Variants in SH3BP5 observed in about 807,000 individuals in gnomAD.
The protein encoded by SH3BP5 is SH3 domain binding protein 5.
In SH3BP5, 22 loss-of-function variants were observed where a neutral mutation model predicts 43.3. The ratio of observed to expected loss-of-function variants is 0.51; its 90% CI spans 0.36 to 0.73. The LOEUF is 0.73. SH3BP5 is among the 30% of genes least tolerant of loss of function. The pLI is 0.00. For missense variants in SH3BP5, 529 were observed against 586.9 expected, an observed-to-expected ratio of 0.90 and a Z score of 1.02; for synonymous variants, 255 against 225.8, an observed-to-expected ratio of 1.13 and a Z score of -1.16.
In SH3BP5 at chr3:15,314,182, G is replaced by A. The variant is rs113260896; in HGVS notation, c.202-9951C>T. Among the ~76,000 whole-genome samples, 1,118 of 151,976 alleles carry A rather than the reference G, an allele frequency of 7.4e-3. 15 individuals are homozygous for A. Among genetic ancestry groups the A allele is most frequent in the African/African-American group, 0.025 (1,054 of 41,472 alleles). ...GAGTCTCACTCTGTCGCCAGGGCTG[G>A]AGTGCAGTGGCGCGATCTCGGCTCA... On this transcript the variant is annotated intron_variant, in intron 2 of 8. Transcript: ENST00000383791.
intron 3 of SH3BP5, among the ~76,000 whole-genome samples, chr3:15,276,669 C>T (rs1281382374): frequency 6.6e-6 from 1 of 152,134 alleles, no homozygotes; most frequent in Non-Finnish European, 1.5e-5. Context: ...AGGTGGCTGC[C>T]CAAAGTCATA....
Position 15,257,046 on chromosome 3 carries a change from C to T in SH3BP5, c.957G>A (p.Gln319=), listed in dbSNP as rs753150553. ...GTCCTGAACTAAAGCTGGACACGGA[C>T]TGGGTTTCCGAGTCATCTTCAGACA... ...NFVSEDDSET[Q]SVSSFSSGPT... The change falls in exon 8 of 9, where the codon CAG becomes CAA. Residue 319 remains glutamine (Q), a synonymous_variant. Transcript: ENST00000383791. 1 of 1,614,170 alleles carries T rather than the reference C, an allele frequency of 6.2e-7. No homozygotes were observed. Among genetic ancestry groups the T allele is most frequent in the South Asian group, 1.1e-5 (1 of 91,080 alleles).
intron 2 of SH3BP5, among the ~76,000 whole-genome samples, chr3:15,304,511 T>C (rs147906310): frequency 6.6e-6 from 1 of 152,270 alleles, no homozygotes; most frequent in Non-Finnish European, 1.5e-5. Flanking sequence ...AAAGGAGTTT[T>C]TAGTTTATTT....
intron 3 of SH3BP5, among the ~76,000 whole-genome samples, chr3:15,271,082 AT>A (rs1162372432): frequency 3.3e-5 from 5 of 151,858 alleles, no homozygotes; most frequent in Non-Finnish European, 7.4e-5. Flanking sequence ...TAAATATATT[AT>A]TAAAATTAAT....
At chr3:15,310,458 C>G (rs6793635) in intron 2 of SH3BP5, among the ~76,000 whole-genome samples, 10 of 152,060 alleles carry the variant, frequency 6.6e-5, no homozygotes, top group Non-Finnish European at 1.2e-4. Flanking sequence ...TGACTGTGAT[C>G]CTTTGTCTCC....
chr3:15,266,535 A>G (rs1205626191), intron 4 of SH3BP5, among the ~76,000 whole-genome samples: 2 of 152,214 alleles, frequency 1.3e-5, no homozygotes, highest in Non-Finnish European at 2.9e-5. Context: ...ATGAAAAGCT[A>G]TCACCTTCCC....
At chr3:15,339,552 A>G (rs1698739040) in intron 1 of SH3BP5, among the ~76,000 whole-genome samples, 2 of 152,046 alleles carry the variant, frequency 1.3e-5, no homozygotes, top group African/African-American at 4.8e-5. Flanking sequence ...TCTACTAAAA[A>G]TACAAAAATT....
At chr3:15,290,994 G>C (rs745769269) in intron 3 of SH3BP5, among the ~76,000 whole-genome samples, 3 of 152,130 alleles carry the variant, frequency 2.0e-5, no homozygotes, top group Non-Finnish European at 4.4e-5. Flanking sequence ...CTTCAGAAGA[G>C]ACCCAGTTGA....
At chr3:15,333,595 A>G (rs149476712), upstream of SH3BP5, among the ~76,000 whole-genome samples, 78 of 152,312 alleles carry the variant, frequency 5.1e-4, no homozygotes, top group African/African-American at 9.4e-4. Flanking sequence ...ACTTGAGGCC[A>G]GGAGTTCAAC....
At chr3:15,337,914 C>CA (rs5846867) in intron 1 of SH3BP5, among the ~76,000 whole-genome samples, 35,889 of 63,102 alleles carry the variant, frequency 0.57, 9,585 homozygotes, top group East Asian at 0.68. Context: ...GACCCTGACT[C>CA]AAAAAAAAAA....
At chr3:15,291,714 A>G (rs1697417862) in intron 3 of SH3BP5, among the ~76,000 whole-genome samples, 1 of 152,222 alleles carries the variant, frequency 6.6e-6, no homozygotes, top group South Asian at 2.1e-4. Context: ...ATGAACCCTG[A>G]GTTGGGAATA....
chr3:15,325,286 A>G (rs181794097), intron 2 of SH3BP5, among the ~76,000 whole-genome samples: 1 of 152,250 alleles, frequency 6.6e-6, no homozygotes, highest in African/African-American at 2.4e-5. Context: ...TATCTCACCT[A>G]GCAGGGCTGT....
intron 2 of SH3BP5, among the ~76,000 whole-genome samples, chr3:15,313,489 C>A (rs563386344): frequency 6.6e-6 from 1 of 152,318 alleles, no homozygotes; most frequent in Admixed American, 6.5e-5. Flanking sequence ...GTAAAGGCAA[C>A]TGAAATGTTC....
At chr3:15,284,878 G>A (rs1326324095) in intron 3 of SH3BP5, among the ~76,000 whole-genome samples, 1 of 152,148 alleles carries the variant, frequency 6.6e-6, no homozygotes, top group Non-Finnish European at 1.5e-5. Context: ...TCAAACCCAG[G>A]GACACCAGCA....
chr3:15,260,871 C>T lies in SH3BP5; in HGVS notation c.627-1068G>A, dbSNP rs555156071. Among the ~76,000 whole-genome samples, 29 of 152,192 alleles carry T rather than the reference C, an allele frequency of 1.9e-4. No individual in the cohort carries two copies. In the South Asian group the frequency reaches 2.7e-3, roughly 14 times the overall value. On this transcript the variant is annotated intron_variant, in intron 5 of 8. Transcript: ENST00000383791. ...CTACGATCTATCCCTGTACTCTTCT[C>T]GGAGTCTGAAAAGGTTGGCAAAGTA... is the stretch of plus-strand genomic sequence containing the variant.
rs375709928 is a variant in SH3BP5, at chr3:15,327,387, G to C, written c.201+3117C>G. Among the ~76,000 whole-genome samples, 8 of 152,188 alleles carry C rather than the reference G, an allele frequency of 5.3e-5. No individual in the cohort carries two copies. The South Asian group carries it at 1.0e-3, about 20-fold the overall frequency. Reference sequence around the variant, plus strand: ...TGCACTCCAGCCTGGGCGACAGCGTGAGACTCCGTCTCAGGAAAAAAAAAA... The same window carrying C: ...TGCACTCCAGCCTGGGCGACAGCGTCAGACTCCGTCTCAGGAAAAAAAAAA... On this transcript the variant is annotated intron_variant, in intron 2 of 8. Transcript: ENST00000383791.
chr3:15,340,646 G>T (rs1698754468), intron 1 of SH3BP5, among the ~76,000 whole-genome samples: 1 of 152,056 alleles, frequency 6.6e-6, no homozygotes, highest in Admixed American at 6.6e-5. Flanking sequence ...AGCTACTCAG[G>T]AGGCCGAATT....
At chr3:15,303,665 A>G (rs933555662) in intron 3 of SH3BP5, among the ~76,000 whole-genome samples, 1 of 151,954 alleles carries the variant, frequency 6.6e-6, no homozygotes, top group Non-Finnish European at 1.5e-5. Context: ...GGAGTGTATA[A>G]CAACTCACCT....
intron 3 of SH3BP5, among the ~76,000 whole-genome samples, chr3:15,287,913 C>T (rs140039406): frequency 2.3e-4 from 35 of 152,296 alleles, no homozygotes; most frequent in African/African-American, 7.9e-4. Flanking sequence ...GGGCTTGACA[C>T]TGGAGACAGA....
Sources: gnomAD v4.1 joint callset for allele counts (sites outside exome capture counted in the v4.1 genomes callset) on GRCh38, gnomAD v4.1.1 for gene constraint, MANE v1.5 for transcripts, NCBI Gene and HGNC (gene_info 2026-07-23, HGNC 2026-07-21) for gene names.